TAOK2: variants seen among roughly 807,000 people sequenced by gnomAD.
TAOK2 encodes serine/threonine-protein kinase TAO2.
A neutral mutation model predicts 122.5 loss-of-function variants in TAOK2; 42 were observed. That is an observed-to-expected ratio of 0.34 (90% CI 0.27 to 0.44). The LOEUF is 0.44. Ranked by LOEUF, TAOK2 falls within the 20% of genes least tolerant of loss-of-function variation. TAOK2 has a pLI of 1.00. For synonymous variants in TAOK2, 704 were observed against 677.6 expected (o/e 1.04, Z -0.61); for missense variants, 1,264 against 1,644.9 (o/e 0.77, Z 4.01).
downstream of TAOK2, chr16:29,989,852 G>C: frequency 6.3e-7 from 1 of 1,589,778 alleles, no homozygotes; most frequent in Non-Finnish European, 8.6e-7. Context: ...GCCAGGCTCT[G>C]TACTTTGCTT....
downstream of TAOK2, chr16:29,990,759 A>T (rs760007461): frequency 8.8e-6 from 14 of 1,589,966 alleles, no homozygotes; most frequent in Admixed American, 1.7e-5. Flanking sequence ...GGAGATCCCT[A>T]CAACTGGTTG....
At chr16:29,981,446 A>AC (rs757014786) in intron 8 of TAOK2, 1 of 614,898 alleles carries the variant, frequency 1.6e-6, no homozygotes, top group Non-Finnish European at 2.9e-6. Context: ...ATTTTCTTTG[A>AC]CCCCTATTCC....
rs978611776 is a variant in TAOK2 at position 29,986,512 on chromosome 16, C to T, written c.2240C>T (p.Ala747Val). The part of the protein sequence containing the change: ...RQQPKSLKVR[A>V]GQRPPGLPLP... The stretch of plus-strand genomic sequence containing the variant: ...CAGCCCAAGAGCCTCAAAGTACGTG[C>T]AGGCCAGCGCCCCCCGGGCCTTCCA... The change falls in exon 16 of 16, where the codon GCA becomes GTA. Residue 747 changes from alanine (A) to valine (V), a missense_variant. This residue lies in a region of TAOK2 where 824 missense variants were observed against 908.7 expected (regional missense o/e 0.91). Coordinates refer to ENST00000308893, the MANE Select transcript of TAOK2 (RefSeq NM_016151.4). This position sits in a 1 kb window ranked among gnomAD's most constrained non-coding sequence, Gnocchi z 4.2. 10 of 1,610,548 alleles carry T rather than the reference C, an allele frequency of 6.2e-6. No individual in the cohort carries two copies. In the Admixed American group the frequency reaches 6.7e-5, roughly 11 times the overall value.
chr16:29,985,051 C>A lies in TAOK2; in HGVS notation c.1423-162C>A. ...GTGATGTAGATAATATCACCATTAT[C>A]CAGTTGAGGAAACAGGCTAGAGTGG... On this transcript the variant is annotated intron_variant, in intron 13 of 15. Coordinates refer to ENST00000308893, the MANE Select transcript of TAOK2 (RefSeq NM_016151.4). This position sits in a 1 kb window ranked among gnomAD's most constrained non-coding sequence, Gnocchi z 6.9. The A allele has an allele frequency of 1.1e-6, 1 of 885,720 alleles. No individual in the cohort carries two copies. Among genetic ancestry groups the A allele is most frequent in the Non-Finnish European group, 1.6e-6 (1 of 637,568 alleles). The allele number at this position is 885,720 out of a possible 1,614,324, so 54.9% of individuals were successfully genotyped here. A position where few individuals can be genotyped will look rare whatever the true frequency, so the allele number is the denominator to read the frequency against.
rs1256067563 is a variant in TAOK2, at chr16:29,986,451, G to C, written c.2179G>C (p.Glu727Gln). ...GGAGTACAACAAGCGGCGTGAGCAA[G>C]AGTTGCGGCAGAAGCATGCGGCCCA... ...QLEYNKRREQ[E>Q]LRQKHAAQVR... The change falls in exon 16 of 16, where the codon GAG becomes CAG. Residue 727 changes from glutamate (E) to glutamine (Q), a missense_variant. By Grantham distance (29) the Glu-to-Gln change is conservative. Transcript: ENST00000308893. The surrounding 1 kb of genome is among the most constrained non-coding windows in gnomAD (Gnocchi z 4.2). The C allele has an allele frequency of 6.2e-7, 1 of 1,607,190 alleles. No homozygotes were observed. The highest frequency in any genetic ancestry group is 1.1e-5 in the South Asian group (1 of 90,430).
chr16:29,987,548 G>A lies in TAOK2; in HGVS notation c.3276G>A (p.Leu1092=). 1 of 1,612,378 alleles carries A rather than the reference G, an allele frequency of 6.2e-7. No homozygotes were observed. The highest frequency in any genetic ancestry group is 1.1e-5 in the South Asian group (1 of 90,934). The change falls in exon 16 of 16, where the codon CTG becomes CTA. Residue 1092 remains leucine, a synonymous_variant. Coordinates refer to ENST00000308893, the MANE Select transcript of TAOK2 (RefSeq NM_016151.4). ...SRLWLRVLLR[L]SPMAFRALQG... ...TCTGGTTGCGGGTTCTGCTGCGCCT[G>A]TCACCCATGGCCTTCCGGGCCCTGC...
In TAOK2 at chr16:29,987,927, G is replaced by A. The variant is rs1417998961; in HGVS notation, c.3655G>A (p.Ala1219Thr). The A allele has an allele frequency of 6.5e-7, 1 of 1,550,370 alleles. No individual in the cohort carries two copies. Among genetic ancestry groups the A allele is most frequent in the South Asian group, 1.2e-5 (1 of 81,000 alleles). ...ASRQPLPGTL[A>T]GRRSRTRQSR... is the part of the protein sequence containing the mutation. ...CCGCCAGCCACTGCCAGGGACTCTA[G>A]CCGGGCGGAGGTCACGCACCCGCCA... The change falls in exon 16 of 16, where the codon GCC becomes ACC. Residue 1219 changes from alanine to threonine, a missense_variant. Ala to Thr is a moderately conservative substitution (Grantham distance 58, BLOSUM62 0). Transcript: ENST00000308893.
rs1490036487 is a variant in TAOK2, at chr16:29,987,251, G to A, written c.2979G>A (p.Glu993=). The A allele has an allele frequency of 1.3e-6, 2 of 1,530,632 alleles. No homozygotes were observed. The highest frequency in any genetic ancestry group is 2.3e-5 in the East Asian group (1 of 44,336). 94.8% of individuals were successfully genotyped at this position (1,530,632 alleles called of 1,614,324 possible). A position where few individuals can be genotyped will look rare whatever the true frequency, so the allele number is the denominator to read the frequency against. The change falls in exon 16 of 16, where the codon GAG becomes GAA. Residue 993 remains glutamate, a synonymous_variant. Coordinates refer to ENST00000308893, the MANE Select transcript of TAOK2 (RefSeq NM_016151.4). Reference sequence around the variant, plus strand: ...TGCAGGCAGCGCTGCTGGCCCTTGAGGTGGGGCTGGTGGGTCTGGGGGCCT... The same window carrying A: ...TGCAGGCAGCGCTGCTGGCCCTTGAAGTGGGGCTGGTGGGTCTGGGGGCCT... ...GGLQAALLAL[E]VGLVGLGASY...
downstream of TAOK2, chr16:29,991,081 G>A (rs759329042): frequency 3.8e-6 from 6 of 1,584,954 alleles, no homozygotes; most frequent in South Asian, 2.3e-5. The surrounding 1 kb of genome is among the most constrained non-coding windows in gnomAD (Gnocchi z 5.6). Flanking sequence ...CAGACAGGAC[G>A]CTCCGAGCGA....
In TAOK2 at chr16:29,988,244, T is replaced by G. The variant is rs897222024; in HGVS notation, c.*264T>G. On this transcript the variant is annotated 3_prime_UTR_variant, in exon 16 of 16. Coordinates refer to ENST00000308893, the MANE Select transcript of TAOK2 (RefSeq NM_016151.4). ...TGTGCTCATCCTCACCCTCATTGAC[T>G]CAGGCCTGGGGCCAGGGGTGGTGGA... is the stretch of plus-strand genomic sequence containing the variant. 17 of 1,452,832 alleles carry G rather than the reference T, an allele frequency of 1.2e-5. No homozygotes were observed. Among genetic ancestry groups the G allele is most frequent in the Non-Finnish European group, 1.4e-5 (15 of 1,108,894 alleles). 90.0% of individuals were successfully genotyped at this position (1,452,832 alleles called of 1,614,324 possible). A position where few individuals can be genotyped will look rare whatever the true frequency, so the allele number is the denominator to read the frequency against.
downstream of TAOK2, chr16:29,990,065 A>G (rs2069931433): frequency 2.3e-6 from 1 of 429,454 alleles, no homozygotes; most frequent in Non-Finnish European, 4.3e-6. Context: ...AAGAGTGGCT[A>G]TTATTTTTTT....
Position 29,988,072 on chromosome 16 carries a change from T to C in TAOK2, c.*92T>C. 6.9e-7 allele frequency: 1 copy of C among 1,443,000 alleles called. No individual in the cohort carries two copies. The highest frequency in any genetic ancestry group is 1.4e-5 in the African/African-American group (1 of 70,130). 89.4% of individuals were successfully genotyped at this position (1,443,000 alleles called of 1,614,324 possible). A position where few individuals can be genotyped will look rare whatever the true frequency, so the allele number is the denominator to read the frequency against. On this transcript the variant is annotated 3_prime_UTR_variant, in exon 16 of 16. Transcript: ENST00000308893. The stretch of plus-strand genomic sequence containing the variant: ...TTTCTCCAGTCCCTAGTCCTCTCTT[T>C]TCACCCACCTTCCTCAGTTTGCTCA...
In TAOK2 at chr16:29,978,298, G is replaced by A. The variant is rs150712108; in HGVS notation, c.251G>A (p.Arg84Gln). 971 of 1,614,086 alleles carry A rather than the reference G, an allele frequency of 6.0e-4. 2 individuals carry two copies. The highest frequency in any genetic ancestry group is 2.0e-3 in the Middle Eastern group (12 of 6,062). The change falls in exon 4 of 16, where the codon CGG (arginine) becomes CAG (glutamine). Residue 84 changes from arginine (R) to glutamine (Q), a missense_variant. Transcript: ENST00000308893. Reference protein sequence around the residue: ...IKEVRFLQKLRHPNTIQYRGC... With the variant: ...IKEVRFLQKLQHPNTIQYRGC... Reference sequence around the variant, plus strand: ...GAGGTGCGGTTCTTACAGAAGCTCCGGCATCCCAACACCATTCAGTACCGG... The same window carrying A: ...GAGGTGCGGTTCTTACAGAAGCTCCAGCATCCCAACACCATTCAGTACCGG...
chr16:29,978,418 A>T, intron 4 of TAOK2, 65 bp downstream of exon 4: 1 of 1,534,440 alleles, frequency 6.5e-7, no homozygotes. Flanking sequence ...ATCGTAGTCC[A>T]GTCTCTTAGG....
Position 29,985,372 on chromosome 16 carries a change from C to T in TAOK2, c.1582C>T (p.Leu528Phe), listed in dbSNP as rs773930903. 2.5e-6 allele frequency: 4 copies of T among 1,610,694 alleles called. No homozygotes were observed. The highest frequency in any genetic ancestry group is 1.1e-5 in the South Asian group (1 of 90,734). ...EEHSARLQRELEAQRAGFGAE... is the reference protein window; with the variant it reads ...EEHSARLQREFEAQRAGFGAE... ...GCACAGTGCACGGCTGCAGCGGGAG[C>T]TTGAGGCGCAGCGGGCTGGCTTTGG... Residue 528 changes from leucine to phenylalanine, a missense_variant, in exon 14 of 16, where the codon CTT becomes TTT. Physicochemically the swap from Leu to Phe is conservative, Grantham distance 22 (BLOSUM62 0). Coordinates refer to ENST00000308893, the MANE Select transcript of TAOK2 (RefSeq NM_016151.4). This position sits in a 1 kb window ranked among gnomAD's most constrained non-coding sequence, Gnocchi z 6.9.
intron 8 of TAOK2, among the ~76,000 whole-genome samples, chr16:29,980,192 G>A (rs1249356976): frequency 5.9e-5 from 9 of 152,174 alleles, no homozygotes; most frequent in Admixed American, 5.9e-4. Context: ...CCATGCCAAG[G>A]TTCTCATCTC....
rs534386272 is a variant in TAOK2, at chr16:29,982,715, C to T, written c.832-19C>T. On this transcript the variant is annotated intron_variant, in intron 10 of 15. Transcript: ENST00000308893. Reference sequence around the variant, plus strand: ...GGGAAGGGGAGTTGGCAGCAGACCTCAGTGCCCTCTTCCCCCAGCACCGCT... The same window carrying T: ...GGGAAGGGGAGTTGGCAGCAGACCTTAGTGCCCTCTTCCCCCAGCACCGCT... The T allele has an allele frequency of 6.2e-7, 1 of 1,606,928 alleles. No individual in the cohort carries two copies. The highest frequency in any genetic ancestry group is 8.5e-7 in the Non-Finnish European group (1 of 1,175,954).
chr16:29,985,051 C>G lies in TAOK2; in HGVS notation c.1423-162C>G, dbSNP rs2069739736. 2 of 885,602 alleles carry G rather than the reference C, an allele frequency of 2.3e-6. No homozygotes were observed. The highest frequency in any genetic ancestry group is 3.4e-5 in the African/African-American group (2 of 58,420). The allele number at this position is 885,602 out of a possible 1,614,324, so 54.9% of individuals were successfully genotyped here. The stretch of plus-strand genomic sequence containing the variant: ...GTGATGTAGATAATATCACCATTAT[C>G]CAGTTGAGGAAACAGGCTAGAGTGG... On this transcript the variant is annotated intron_variant, in intron 13 of 15. Coordinates refer to ENST00000308893, the MANE Select transcript of TAOK2 (RefSeq NM_016151.4). The surrounding 1 kb of genome is among the most constrained non-coding windows in gnomAD (Gnocchi z 6.9).
At position 29,983,218 on chromosome 16, in the gene TAOK2, G is replaced by A. The variant is rs2069673404; in HGVS notation, c.1146G>A (p.Glu382=). ...CCTCAGACAACGAGGAAGAGGAGGAGGAGGAGGAGGAAGAGGAGGAGGAGG... is the reference window on the plus strand; with the variant it reads ...CCTCAGACAACGAGGAAGAGGAGGAAGAGGAGGAGGAAGAGGAGGAGGAGG... The part of the protein sequence containing the change: ...ADASDNEEEE[E]EEEEEEEEEE... The change falls in exon 12 of 16, where the codon GAG becomes GAA. Residue 382 remains glutamate (E), a synonymous_variant. Coordinates refer to ENST00000308893, the MANE Select transcript of TAOK2 (RefSeq NM_016151.4). 6.2e-7 allele frequency: 1 copy of A among 1,613,378 alleles called. No individual in the cohort carries two copies. The highest frequency in any genetic ancestry group is 1.1e-5 in the South Asian group (1 of 91,044).
Sources: allele counts gnomAD v4.1 joint callset (sites outside exome capture counted in the v4.1 genomes callset), GRCh38; gene constraint gnomAD v4.1.1; regional missense constraint gnomAD v4.1.1; non-coding constraint Gnocchi (gnomAD v3.1); transcripts MANE v1.5; gene names NCBI Gene and HGNC (gene_info 2026-07-23, HGNC 2026-07-21).